The following C11orf91 variants were observed in gnomAD, a reference collection of about 807,000 sequenced individuals.
C11orf91 encodes the protein uncharacterized protein C11orf91.
C11orf91 carries 10 observed loss-of-function variants against 14.3 expected under a neutral mutation model. That is an observed-to-expected ratio of 0.70 (90% CI 0.43 to 1.18). C11orf91 has a LOEUF of 1.18. Ranked by LOEUF, C11orf91 falls within the 50% of genes most tolerant of loss-of-function variation. The pLI is 0.00. For synonymous variants in C11orf91, 141 were observed against 130.6 expected (o/e 1.08, Z -0.54); for missense variants, 236 against 269.0 (o/e 0.88, Z 0.86).
the C11orf91 span, chr11:33,706,281 T>G: frequency 6.6e-5 from 10 of 152,182 alleles, no homozygotes; most frequent in African/African-American, 2.4e-4. Context: ...TTAGTTTAGA[T>G]AAATAAGATT....
upstream of C11orf91, chr11:33,700,881 A>C: frequency 6.3e-6 from 5 of 794,006 alleles, no homozygotes; most frequent in Non-Finnish European, 8.5e-6. Context: ...CCGGCCCCTA[A>C]CAGGCGGGGT....
upstream of C11orf91, chr11:33,702,797 A>G (rs983999829): frequency 3.6e-5 from 11 of 304,204 alleles, no homozygotes; most frequent in African/African-American, 2.0e-4. Context: ...GGTAAGAACC[A>G]GGGTTTTGGA....
chr11:33,701,234 T>G (rs574194813), upstream of C11orf91, among the ~76,000 whole-genome samples: 1 of 152,202 alleles, frequency 6.6e-6, no homozygotes, highest in Admixed American at 6.5e-5. Flanking sequence ...CAAAGAAGTC[T>G]GAGAAAATCA....
In C11orf91 at chr11:33,700,563, CCGCCCCGCCCACTGG is replaced by C. The variant is rs1408970035; in HGVS notation, c.163_177del (p.Pro55_Ala59del). Reference sequence around the variant, plus strand: ...GCCTGGGACAGGGACCGGGCCCCCGCCGCCCCGCCCACTGGCGCCCCGCCCGCCTTCAGCGGCACG... The same window carrying C: ...GCCTGGGACAGGGACCGGGCCCCCGCCGCCCCGCCCGCCTTCAGCGGCACG... On this transcript the variant is annotated inframe_deletion, in exon 1 of 2. Transcript: ENST00000379011. 2.8e-6 allele frequency: 4 copies of C among 1,446,304 alleles called. No homozygotes were observed. In the African/African-American group the frequency reaches 4.4e-5, roughly 16 times the overall value. The allele number at this position is 1,446,304 out of a possible 1,614,324, so 89.6% of individuals were successfully genotyped here. A position where few individuals can be genotyped will look rare whatever the true frequency, so the allele number is the denominator to read the frequency against.
At chr11:33,701,754 AGTGTGTGTGTGT>A (rs35903408), upstream of C11orf91, among the ~76,000 whole-genome samples, 1 of 148,926 alleles carries the variant, frequency 6.7e-6, no homozygotes, top group African/African-American at 2.5e-5. Flanking sequence ...CACAGTGCAA[AGTGTGTGTGTGT>A]GTGTGTGTGT....
chr11:33,700,916 C>G, upstream of C11orf91: 1 of 465,442 alleles, frequency 2.1e-6, no homozygotes. Flanking sequence ...GACCACGTCC[C>G]GGAACGCGGC....
At chr11:33,699,574 C>T (rs1205904865) in intron 1 of C11orf91, 2 of 456,312 alleles carry the variant, frequency 4.4e-6, no homozygotes, top group South Asian at 3.1e-5. Flanking sequence ...AGCTCGTAGG[C>T]TGAGGGATCC....
chr11:33,702,304 AAATT>A (rs1188474701), upstream of C11orf91, among the ~76,000 whole-genome samples: 3 of 152,070 alleles, frequency 2.0e-5, no homozygotes, highest in East Asian at 5.8e-4. Flanking sequence ...ATAATTTAAA[AAATT>A]AACCAGGTGT....
chr11:33,700,580 GC>G lies in C11orf91; in HGVS notation c.160del (p.Ala54ArgfsTer116). ...KLFVPLKAGG[A>X]PVGGAAGARS... ...GGCCCCCGCCGCCCCGCCCACTGGC[GC>G]CCCGCCCGCCTTCAGCGGCACGAAG... On this transcript the variant is annotated frameshift_variant, in exon 1 of 2. Coordinates refer to ENST00000379011, the MANE Select transcript of C11orf91 (RefSeq NM_001166692.2). LOFTEE classifies it high-confidence loss of function. The G allele has an allele frequency of 6.9e-7, 1 of 1,455,750 alleles. No homozygotes were observed. Among genetic ancestry groups the G allele is most frequent in the South Asian group, 1.4e-5 (1 of 73,756 alleles). 90.2% of individuals were successfully genotyped at this position (1,455,750 alleles called of 1,614,324 possible). A position where few individuals can be genotyped will look rare whatever the true frequency, so the allele number is the denominator to read the frequency against.
chr11:33,698,576 A>C, intron 1 of C11orf91, 62 bp from the exon 2 acceptor site: 1 of 1,184,212 alleles, frequency 8.4e-7, no homozygotes, highest in Non-Finnish European at 1.2e-6. Flanking sequence ...AACACTTCCA[A>C]AGCAAACTCT....
Position 33,700,809 on chromosome 11 carries a change from G to T in C11orf91, c.-69C>A. The T allele has an allele frequency of 2.4e-6, 3 of 1,241,846 alleles. No homozygotes were observed. The highest frequency in any genetic ancestry group is 3.0e-6 in the Non-Finnish European group (3 of 991,250). The allele number at this position is 1,241,846 out of a possible 1,614,324, so 76.9% of individuals were successfully genotyped here. ...ACGCGCGCTCAGGCCCCGAGTCGCCGGGGTTTCGAGGTTCCACAAGCCCCG... is the reference window on the plus strand; with the variant it reads ...ACGCGCGCTCAGGCCCCGAGTCGCCTGGGTTTCGAGGTTCCACAAGCCCCG... On this transcript the variant is annotated 5_prime_UTR_variant, in exon 1 of 2. Coordinates refer to ENST00000379011, the MANE Select transcript of C11orf91 (RefSeq NM_001166692.2).
Position 33,698,429 on chromosome 11 carries a change from T to A in C11orf91, c.582A>T (p.Ter194CysextTer15). The A allele has an allele frequency of 6.5e-7, 1 of 1,534,766 alleles. No individual in the cohort carries two copies. Among genetic ancestry groups the A allele is most frequent in the Non-Finnish European group, 8.7e-7 (1 of 1,144,474 alleles). The change falls in exon 2 of 2, where the codon TGA becomes TGT. Residue 194 changes from the stop codon to cysteine (C), a stop_lost. Coordinates refer to ENST00000379011, the MANE Select transcript of C11orf91 (RefSeq NM_001166692.2). ...TGCCCAAGCTCTGGTAGGCAGCTCC[T>A]CAGGAGAGAGAGGCCGACTTCTTTC... ...QPGKKSASLS[*>C]
upstream of C11orf91, chr11:33,700,915 C>A: frequency 2.1e-6 from 1 of 483,362 alleles, no homozygotes; most frequent in Non-Finnish European, 2.9e-6. Context: ...CGACCACGTC[C>A]CGGAACGCGG....
Position 33,700,125 on chromosome 11 carries a change from G to C in C11orf91, c.496+120C>G, listed in dbSNP as rs1433349807. ...TCTGGGTGCTAGGGGATAGATTTTG[G>C]ATCTGGGACTACTGGGGGCTGGAGT... is the stretch of plus-strand genomic sequence containing the variant. On this transcript the variant is annotated intron_variant, in intron 1 of 1. Coordinates refer to ENST00000379011, the MANE Select transcript of C11orf91 (RefSeq NM_001166692.2). 37 of 1,101,226 alleles carry C rather than the reference G, an allele frequency of 3.4e-5. 2 individuals carry two copies. Among genetic ancestry groups the C allele is most frequent in the South Asian group, 2.6e-4 (16 of 62,436 alleles). 68.2% of individuals were successfully genotyped at this position (1,101,226 alleles called of 1,614,324 possible).
chr11:33,705,691 T>C (rs1853281250), upstream of C11orf91: 1 of 152,236 alleles, frequency 6.6e-6, no homozygotes, highest in East Asian at 1.9e-4. Flanking sequence ...AGACGGCCTA[T>C]TGTGCGACTT....
At chr11:33,706,313 T>C in the C11orf91 span, 1 of 152,144 alleles carries the variant, frequency 6.6e-6, no homozygotes, top group African/African-American at 2.4e-5. Context: ...AAATTTTATA[T>C]TGAATAACCT....
upstream of C11orf91, among the ~76,000 whole-genome samples, chr11:33,701,754 A>AGTGTGTGTGTGTGTGT (rs35903408): frequency 6.1e-3 from 912 of 149,004 alleles, 3 homozygotes; most frequent in Middle Eastern, 0.014. Context: ...CACAGTGCAA[A>AGTGTGTGTGTGTGTGT]GTGTGTGTGT....
rs767954708 is a variant in C11orf91, at chr11:33,700,763, G to T, written c.-23C>A. The T allele has an allele frequency of 5.5e-6, 7 of 1,281,032 alleles. No individual in the cohort carries two copies. The South Asian group carries it at 1.4e-4, about 25-fold the overall frequency. The allele number at this position is 1,281,032 out of a possible 1,614,324, so 79.4% of individuals were successfully genotyped here. A position where few individuals can be genotyped will look rare whatever the true frequency, so the allele number is the denominator to read the frequency against. On this transcript the variant is annotated 5_prime_UTR_variant, in exon 1 of 2. Coordinates refer to ENST00000379011, the MANE Select transcript of C11orf91 (RefSeq NM_001166692.2). ...CATCGTTTGAATGAGGGTCTGCGTG[G>T]GAGGAACCCCGCGCCGGGAGACGCG...
In C11orf91 at chr11:33,700,824, C is replaced by T; in HGVS notation, c.-84G>A. On this transcript the variant is annotated 5_prime_UTR_variant, in exon 1 of 2. Coordinates refer to ENST00000379011, the MANE Select transcript of C11orf91 (RefSeq NM_001166692.2). ...CCGAGTCGCCGGGGTTTCGAGGTTC[C>T]ACAAGCCCCGCCCCGATGGAGCGCG... 8.3e-7 allele frequency: 1 copy of T among 1,209,156 alleles called. No homozygotes were observed. The highest frequency in any genetic ancestry group is 1.0e-6 in the Non-Finnish European group (1 of 962,272). 74.9% of individuals were successfully genotyped at this position (1,209,156 alleles called of 1,614,324 possible).
Sources: allele counts gnomAD v4.1 joint callset (sites outside exome capture counted in the v4.1 genomes callset), GRCh38; gene constraint gnomAD v4.1.1; transcripts MANE v1.5; gene names NCBI Gene and HGNC (gene_info 2026-07-23, HGNC 2026-07-21).